Variants in MAP3K5 observed in about 807,000 individuals in gnomAD.
MAP3K5 encodes ASK-1.
MAP3K5 carries 56 observed loss-of-function variants against 158.7 expected under a neutral mutation model. That is an observed-to-expected ratio of 0.35 (90% CI 0.28 to 0.44). The LOEUF (loss-of-function observed/expected upper bound fraction) is 0.44. Among genes scored for constraint, MAP3K5 ranks in the 20% least tolerant of loss-of-function variants. MAP3K5 has a pLI of 1.00. For missense variants in MAP3K5, 1,294 were observed against 1,674.8 expected, an observed-to-expected ratio of 0.77 and a Z score of 3.97; for synonymous variants, 579 against 601.7, an observed-to-expected ratio of 0.96 and a Z score of 0.55.
chr6:136,670,537 T>G (rs2114532094), intron 7 of MAP3K5, among the ~76,000 whole-genome samples: 1 of 152,178 alleles, frequency 6.6e-6, no homozygotes, highest in Admixed American at 6.5e-5. Flanking sequence ...AAAAGCATTC[T>G]CACCTAAGTC....
chr6:136,676,884 T>C (rs1208435530), intron 7 of MAP3K5, among the ~76,000 whole-genome samples: 1 of 150,422 alleles, frequency 6.6e-6, no homozygotes, highest in Non-Finnish European at 1.5e-5. Context: ...CTCCGCCTCC[T>C]GGGTTCAAGT....
At chr6:136,641,230 A>G (rs1777917263) in intron 12 of MAP3K5, among the ~76,000 whole-genome samples, 1 of 152,208 alleles carries the variant, frequency 6.6e-6, no homozygotes, top group African/African-American at 2.4e-5. Context: ...CAGATCATTC[A>G]TGAGGTAACA....
chr6:136,766,245 T>C (rs1205946040), intron 1 of MAP3K5, among the ~76,000 whole-genome samples: 8 of 152,242 alleles, frequency 5.3e-5, no homozygotes, highest in Non-Finnish European at 1.2e-4. Context: ...AATAAACTTC[T>C]GAATTGCAGC....
At chr6:136,710,379 G>A (rs2114732345) in intron 2 of MAP3K5, among the ~76,000 whole-genome samples, 1 of 152,232 alleles carries the variant, frequency 6.6e-6, no homozygotes, top group Admixed American at 6.5e-5. Context: ...ACTTGTCTGA[G>A]GTATTTAGGG....
At chr6:136,659,511 T>C in intron 8 of MAP3K5, 133 bp from the exon 9 acceptor site, 1 of 794,018 alleles carries the variant, frequency 1.3e-6, no homozygotes, top group East Asian at 2.6e-5. Flanking sequence ...TTCTGATTAT[T>C]AAGGTGGCTT....
At chr6:136,656,256 G>A (rs1442126855) in intron 10 of MAP3K5, 51 bp downstream of exon 10, 3 of 1,532,474 alleles carry the variant, frequency 2.0e-6, no homozygotes, top group South Asian at 1.1e-5. Context: ...CACAGTACAA[G>A]ATGTTCTTTA....
chr6:136,762,698 G>T (rs1783810313), intron 1 of MAP3K5, among the ~76,000 whole-genome samples: 1 of 152,074 alleles, frequency 6.6e-6, no homozygotes, highest in Non-Finnish European at 1.5e-5. Flanking sequence ...TATAATGCTT[G>T]CTGCAAGCTC....
At chr6:136,764,361 T>C (rs1000173498) in intron 1 of MAP3K5, among the ~76,000 whole-genome samples, 1 of 152,220 alleles carries the variant, frequency 6.6e-6, no homozygotes, top group Non-Finnish European at 1.5e-5. Context: ...TCCTTCTTCT[T>C]GGAACATTCA....
At chr6:136,729,679 A>G (rs1346573575) in intron 1 of MAP3K5, among the ~76,000 whole-genome samples, 3 of 152,240 alleles carry the variant, frequency 2.0e-5, no homozygotes, top group African/African-American at 7.2e-5. Flanking sequence ...GGATGGATCC[A>G]TCCATGTCCA....
intron 7 of MAP3K5, among the ~76,000 whole-genome samples, chr6:136,690,096 A>C (rs2114637854): frequency 6.6e-6 from 1 of 152,242 alleles, no homozygotes; most frequent in Middle Eastern, 3.4e-3. Context: ...TAAGAAATAA[A>C]ATATTTTTAA....
intron 7 of MAP3K5, among the ~76,000 whole-genome samples, chr6:136,690,300 G>T (rs776739468): frequency 5.3e-5 from 8 of 151,926 alleles, no homozygotes; most frequent in African/African-American, 9.7e-5. Flanking sequence ...TGCTTACTTT[G>T]CTCAACTTTT....
In MAP3K5 at chr6:136,601,484, C is replaced by T. The variant is rs79832430; in HGVS notation, c.2857+318G>A. ...CATTTGTGGTAATCTGGGGTTTCAG[C>T]TCTAAAAGGCTAAATTTAACCCCTC... On this transcript the variant is annotated intron_variant, in intron 20 of 29. Transcript: ENST00000359015. Among the ~76,000 whole-genome samples, 805 of 152,258 alleles carry T rather than the reference C, an allele frequency of 5.3e-3. 3 individuals carry two copies. The highest frequency in any genetic ancestry group is 9.3e-3 in the Non-Finnish European group (635 of 68,018).
At chr6:136,778,475 T>C (rs1002067491) in intron 1 of MAP3K5, among the ~76,000 whole-genome samples, 2 of 152,202 alleles carry the variant, frequency 1.3e-5, no homozygotes, top group African/African-American at 4.8e-5. Context: ...CTCCCAACAA[T>C]TATTTATTAA....
intron 1 of MAP3K5, among the ~76,000 whole-genome samples, chr6:136,774,174 T>C (rs1421272867): frequency 6.6e-6 from 1 of 152,174 alleles, no homozygotes; most frequent in Non-Finnish European, 1.5e-5. Flanking sequence ...TCCTCCACAC[T>C]TCCTTCTCCT....
chr6:136,755,365 C>G (rs1356334987), intron 1 of MAP3K5, among the ~76,000 whole-genome samples: 1 of 152,090 alleles, frequency 6.6e-6, no homozygotes, highest in Non-Finnish European at 1.5e-5. Context: ...AGGGTCTCCT[C>G]TCCCAGCCCT....
At chr6:136,653,961 GA>G (rs1214991865) in intron 10 of MAP3K5, among the ~76,000 whole-genome samples, 2 of 152,044 alleles carry the variant, frequency 1.3e-5, no homozygotes, top group African/African-American at 2.4e-5. Flanking sequence ...AGATGAGGGG[GA>G]AAACACTGCA....
chr6:136,682,903 C>T (rs1384785659), intron 7 of MAP3K5, among the ~76,000 whole-genome samples: 2 of 151,968 alleles, frequency 1.3e-5, no homozygotes, highest in East Asian at 1.9e-4. Flanking sequence ...CATTTTCCCT[C>T]ATTAGCTAAA....
intron 8 of MAP3K5, among the ~76,000 whole-genome samples, chr6:136,664,232 T>C (rs1713427413): frequency 6.6e-6 from 1 of 151,978 alleles, no homozygotes; most frequent in Non-Finnish European, 1.5e-5. Context: ...GGGATGTAGG[T>C]TGTGCGCTCC....
intron 6 of MAP3K5, among the ~76,000 whole-genome samples, chr6:136,695,115 A>C (rs1468814116): frequency 2.0e-5 from 3 of 151,980 alleles, no homozygotes; most frequent in Non-Finnish European, 4.4e-5. Flanking sequence ...AATGTTTTAA[A>C]ATTTATTGTT....
Sources: allele counts gnomAD v4.1 joint callset (sites outside exome capture counted in the v4.1 genomes callset), GRCh38; gene constraint gnomAD v4.1.1; transcripts MANE v1.5; gene names NCBI Gene and HGNC (gene_info 2026-07-23, HGNC 2026-07-21).